The following KCNIP4 variants were observed in gnomAD, a reference collection of about 807,000 sequenced individuals.
KCNIP4 encodes potassium voltage-gated channel interacting protein 4, also known as Kv channel-interacting protein 4.
Under a neutral mutation model 34.0 loss-of-function variants are expected in KCNIP4, and 12 were observed. That is an observed-to-expected ratio of 0.35 (90% CI 0.23 to 0.57). KCNIP4 has a LOEUF of 0.57. Among genes scored for constraint, KCNIP4 ranks in the 20% least tolerant of loss-of-function variants. KCNIP4 has a pLI of 0.83. For synonymous variants in KCNIP4, 124 were observed against 102.2 expected, an observed-to-expected ratio of 1.21 and a Z score of -1.29; for missense variants, 238 against 311.7, an observed-to-expected ratio of 0.76 and a Z score of 1.78.
rs902531344 is a variant in KCNIP4 at position 20,964,487 on chromosome 4, T to C, written c.62-81778A>G. On this transcript the variant is annotated intron_variant, in intron 1 of 8. Coordinates refer to ENST00000382152, the MANE Select transcript of KCNIP4 (RefSeq NM_025221.6). ...GTGGCAACATTCAAAGAAAGTGCAC[T>C]TCAGCCTGAAGCTCAGCAAGATCGT... Among the ~76,000 whole-genome samples the C allele has an allele frequency of 7.2e-5, 11 of 152,330 alleles. No individual in the cohort carries two copies. In the East Asian group the frequency reaches 2.1e-3, roughly 29 times the overall value.
chr4:21,135,038 A>C (rs1401028582), intron 1 of KCNIP4, among the ~76,000 whole-genome samples: 2 of 152,230 alleles, frequency 1.3e-5, no homozygotes, highest in Non-Finnish European at 2.9e-5. Flanking sequence ...AAATTCTCAC[A>C]TACGGATTCA....
intron 1 of KCNIP4, among the ~76,000 whole-genome samples, chr4:21,675,973 C>T (rs1027455064): frequency 1.3e-5 from 2 of 152,144 alleles, no homozygotes; most frequent in African/African-American, 4.8e-5. Context: ...AGGGTCCTAG[C>T]TTGAGCACGA....
intron 1 of KCNIP4, among the ~76,000 whole-genome samples, chr4:21,310,177 C>T (rs188717231): frequency 2.6e-5 from 4 of 152,090 alleles, no homozygotes; most frequent in East Asian, 3.9e-4. Flanking sequence ...GGAGTGCAGG[C>T]GTGCATCACC....
chr4:21,658,214 A>C (rs1748131933), intron 1 of KCNIP4, among the ~76,000 whole-genome samples: 1 of 152,180 alleles, frequency 6.6e-6, no homozygotes, highest in African/African-American at 2.4e-5. Flanking sequence ...CACCAGATAA[A>C]CTTTCTAGAA....
chr4:21,009,399 C>G (rs1300076075), intron 1 of KCNIP4, among the ~76,000 whole-genome samples: 1 of 152,160 alleles, frequency 6.6e-6, no homozygotes, highest in East Asian at 1.9e-4. Flanking sequence ...TTGAATTCTC[C>G]TGATTTCTTT....
At chr4:21,641,824 C>T (rs1746638924) in intron 1 of KCNIP4, among the ~76,000 whole-genome samples, 1 of 152,120 alleles carries the variant, frequency 6.6e-6, no homozygotes, top group African/African-American at 2.4e-5. Flanking sequence ...ACACGAACTT[C>T]CCTCTCCAAG....
chr4:20,959,245 A>G (rs955113262), intron 1 of KCNIP4, among the ~76,000 whole-genome samples: 3 of 152,172 alleles, frequency 2.0e-5, no homozygotes, highest in Non-Finnish European at 4.4e-5. Flanking sequence ...AAAATAAATG[A>G]CTGTACTTTG....
intron 1 of KCNIP4, among the ~76,000 whole-genome samples, chr4:21,096,578 C>A (rs144763242): frequency 2.6e-5 from 4 of 152,108 alleles, no homozygotes; most frequent in African/African-American, 7.2e-5. Flanking sequence ...TAGCAACCAC[C>A]AAGTATCATG....
At chr4:21,854,521 C>T (rs747484463) in intron 1 of KCNIP4, among the ~76,000 whole-genome samples, 3 of 152,088 alleles carry the variant, frequency 2.0e-5, no homozygotes, top group Non-Finnish European at 2.9e-5. Context: ...TAAATTCCCC[C>T]CAGTGTACAG....
Position 21,051,973 on chromosome 4 carries a change from G to T in KCNIP4, c.62-169264C>A, listed in dbSNP as rs1034059307. The stretch of plus-strand genomic sequence containing the variant: ...CATTTTAGATTAGCAAAGTAGAATT[G>T]CTGGGAGTTCAGGTCTTAGATATTT... On this transcript the variant is annotated intron_variant, in intron 1 of 8. Transcript: ENST00000382152. Among the ~76,000 whole-genome samples, 3 of 152,320 alleles carry T rather than the reference G, an allele frequency of 2.0e-5. No homozygotes were observed. The East Asian group carries it at 5.8e-4, about 29-fold the overall frequency.
At chr4:21,589,186 ATATATATATATATATG>A (rs796626806) in intron 1 of KCNIP4, among the ~76,000 whole-genome samples, 4,215 of 75,260 alleles carry the variant, frequency 0.056, 227 homozygotes, top group Non-Finnish European at 0.076. Context: ...ATATATATAT[ATATATATATATATATG>A]TGTACATATA....
At chr4:21,332,326 C>T (rs1199324388) in intron 1 of KCNIP4, among the ~76,000 whole-genome samples, 2 of 151,612 alleles carry the variant, frequency 1.3e-5, no homozygotes, top group Non-Finnish European at 2.9e-5. Context: ...ATGAAACATC[C>T]CCAACAATTT....
At chr4:21,430,636 G>C (rs1351822998) in intron 1 of KCNIP4, among the ~76,000 whole-genome samples, 1 of 152,054 alleles carries the variant, frequency 6.6e-6, no homozygotes, top group Non-Finnish European at 1.5e-5. Flanking sequence ...TATGTCAACT[G>C]TTCTTCCTTT....
At chr4:21,491,693 A>C (rs1282860169) in intron 1 of KCNIP4, among the ~76,000 whole-genome samples, 2 of 152,110 alleles carry the variant, frequency 1.3e-5, no homozygotes, top group Non-Finnish European at 2.9e-5. Context: ...TTGGAAATAG[A>C]GCTGTATGCT....
chr4:21,824,185 T>C (rs533300727), intron 1 of KCNIP4, among the ~76,000 whole-genome samples: 1 of 152,268 alleles, frequency 6.6e-6, no homozygotes, highest in African/African-American at 2.4e-5. Context: ...TTCCTGGATA[T>C]AGGCCAAAAT....
chr4:21,301,392 T>C (rs555367228), intron 1 of KCNIP4, among the ~76,000 whole-genome samples: 9 of 152,272 alleles, frequency 5.9e-5, no homozygotes, highest in African/African-American at 2.2e-4. Context: ...AAAACAGTTG[T>C]AAGTTTACAT....
chr4:20,979,644 C>T (rs548394933), intron 1 of KCNIP4, among the ~76,000 whole-genome samples: 18 of 152,026 alleles, frequency 1.2e-4, no homozygotes, highest in African/African-American at 3.4e-4. Flanking sequence ...GTGATCCACC[C>T]GCCTCGGCCT....
intron 3 of KCNIP4, among the ~76,000 whole-genome samples, chr4:20,782,945 C>A (rs868036495): frequency 2.0e-5 from 3 of 152,176 alleles, no homozygotes; most frequent in African/African-American, 7.2e-5. Context: ...CCCAAGTCAC[C>A]TCTTGAATGC....
intron 1 of KCNIP4, among the ~76,000 whole-genome samples, chr4:21,055,386 G>C (rs2163934): frequency 0.42 from 64,482 of 151,948 alleles, 15,270 homozygotes; most frequent in African/African-American, 0.65. Flanking sequence ...TAAACATAAT[G>C]TTATCATATG....
Sources: gnomAD v4.1 joint callset for allele counts (sites outside exome capture counted in the v4.1 genomes callset) on GRCh38, gnomAD v4.1.1 for gene constraint, MANE v1.5 for transcripts, NCBI Gene and HGNC (gene_info 2026-07-23, HGNC 2026-07-21) for gene names.